KNTC1: variants seen among roughly 807,000 people sequenced by gnomAD.
KNTC1 encodes the protein kinetochore associated 1, also known as kinetochore-associated protein 1.
A neutral mutation model predicts 314.4 loss-of-function variants in KNTC1; 253 were observed. That is an observed-to-expected ratio of 0.80 (90% CI 0.73 to 0.89). The LOEUF (loss-of-function observed/expected upper bound fraction) is 0.89. Ranked by LOEUF, KNTC1 falls within the 40% of genes least tolerant of loss-of-function variation. The probability of loss-of-function intolerance (pLI) is 0.00; values close to 1 mark genes in which losing one functional copy is unlikely to be tolerated. For missense variants in KNTC1, 2,475 were observed against 2,572.9 expected (o/e 0.96, Z 0.82); for synonymous variants, 901 against 901.4 (o/e 1.00, Z 0.01).
intron 1 of KNTC1, among the ~76,000 whole-genome samples, chr12:122,528,915 T>C (rs1961061260): frequency 6.6e-6 from 1 of 152,162 alleles, no homozygotes; most frequent in South Asian, 2.1e-4. Context: ...CGATCTCGAC[T>C]TACTGCAACC....
At position 122,549,852 on chromosome 12, in the gene KNTC1, A is replaced by G. The variant is rs1963065953; in HGVS notation, c.1074A>G (p.Thr358=). The G allele has an allele frequency of 1.3e-6, 2 of 1,537,890 alleles. No homozygotes were observed. The highest frequency in any genetic ancestry group is 1.8e-6 in the Non-Finnish European group (2 of 1,121,088). ...CTAGTGTTTCTTCTCTGGTCCAAACAGGAATTAGCACAGTAAGTTTATTTG... is the reference window on the plus strand; with the variant it reads ...CTAGTGTTTCTTCTCTGGTCCAAACGGGAATTAGCACAGTAAGTTTATTTG... The part of the protein sequence containing the change: ...EVSSVSSLVQ[T]GISTDTIYLL... The change falls in exon 13 of 64, where the codon ACA becomes ACG. Residue 358 remains threonine (T), a synonymous_variant. Coordinates refer to ENST00000333479, the MANE Select transcript of KNTC1 (RefSeq NM_014708.6).
At chr12:122,552,070 G>C (rs1188145533) in intron 16 of KNTC1, among the ~76,000 whole-genome samples, 3 of 152,048 alleles carry the variant, frequency 2.0e-5, no homozygotes, top group Non-Finnish European at 1.5e-5. Context: ...ACCATGCCCG[G>C]TTAATTTTTG....
At chr12:122,540,629 C>T (rs1325888753) in intron 5 of KNTC1, among the ~76,000 whole-genome samples, 2 of 151,866 alleles carry the variant, frequency 1.3e-5, no homozygotes, top group Non-Finnish European at 2.9e-5. Context: ...CTATAGGTTA[C>T]CAAGGAGACA....
chr12:122,615,850 C>T (rs6489156), intron 57 of KNTC1, among the ~76,000 whole-genome samples: 116,328 of 152,136 alleles, frequency 0.76, 44,854 homozygotes, highest in East Asian at 0.84. Flanking sequence ...AAGTTGTGCC[C>T]GGACCCGTTA....
At chr12:122,613,317 G>A (rs1301914449) in intron 54 of KNTC1, 87 bp downstream of exon 54, 2 of 883,494 alleles carry the variant, frequency 2.3e-6, no homozygotes, top group African/African-American at 1.7e-5. Flanking sequence ...ATTCAGAAGA[G>A]CATAGTAGAG....
chr12:122,535,199 A>T (rs1961688706), intron 3 of KNTC1, among the ~76,000 whole-genome samples: 1 of 152,196 alleles, frequency 6.6e-6, no homozygotes, highest in Non-Finnish European at 1.5e-5. Context: ...ATCGAGCTAC[A>T]AGGCTTCAAG....
intron 21 of KNTC1, among the ~76,000 whole-genome samples, chr12:122,569,410 T>C (rs1964547225): frequency 6.6e-6 from 1 of 152,246 alleles, no homozygotes; most frequent in Non-Finnish European, 1.5e-5. Flanking sequence ...TTTGAATTCC[T>C]AGTATCACCC....
rs374194679 is a variant in KNTC1 at position 122,557,666 on chromosome 12, A to G, written c.1465A>G (p.Met489Val). 2 of 1,612,892 alleles carry G rather than the reference A, an allele frequency of 1.2e-6. No individual in the cohort carries two copies. The highest frequency in any genetic ancestry group is 2.7e-5 in the African/African-American group (2 of 74,912). ...GATAACCTATGAAACCACTCAAGAGATGCTGAATTATGCCAAAACCAGGGT... is the reference window on the plus strand; with the variant it reads ...GATAACCTATGAAACCACTCAAGAGGTGCTGAATTATGCCAAAACCAGGGT... ...QWITYETTQE[M>V]LNYAKTRLLK... The change falls in exon 18 of 64, where the codon ATG becomes GTG. Residue 489 changes from methionine (M) to valine (V), a missense_variant. By Grantham distance (21) the Met-to-Val change is conservative. Coordinates refer to ENST00000333479, the MANE Select transcript of KNTC1 (RefSeq NM_014708.6).
intron 9 of KNTC1, 30 bp downstream of exon 9, chr12:122,546,299 C>A: frequency 1.6e-6 from 2 of 1,289,812 alleles, no homozygotes; most frequent in Non-Finnish European, 2.2e-6. Flanking sequence ...CTACTTTAGA[C>A]AATTATTAGT....
chr12:122,626,087 A>G (rs946227752), intron 63 of KNTC1, 118 bp from the exon 64 acceptor site: 3 of 727,336 alleles, frequency 4.1e-6, no homozygotes, highest in Non-Finnish European at 7.1e-6. Context: ...TAAAATGCCA[A>G]ATAGTTTGAT....
intron 22 of KNTC1, among the ~76,000 whole-genome samples, chr12:122,570,109 A>G (rs1964591563): frequency 6.6e-6 from 1 of 152,178 alleles, no homozygotes; most frequent in African/African-American, 2.4e-5. Context: ...AATCAAAACA[A>G]TTTAACTCAC....
At chr12:122,552,219 T>C (rs1593521760) in intron 16 of KNTC1, among the ~76,000 whole-genome samples, 1 of 152,154 alleles carries the variant, frequency 6.6e-6, no homozygotes, top group East Asian at 1.9e-4. Context: ...TCAGGTCAGG[T>C]CTTGAAGGTG....
At chr12:122,532,528 G>A (rs1300556686) in intron 2 of KNTC1, among the ~76,000 whole-genome samples, 2 of 151,966 alleles carry the variant, frequency 1.3e-5, no homozygotes, top group South Asian at 2.1e-4. Context: ...ATATTATCAG[G>A]AGCCTTAAAA....
At chr12:122,580,898 C>G (rs574071949) in intron 33 of KNTC1, among the ~76,000 whole-genome samples, 1 of 152,124 alleles carries the variant, frequency 6.6e-6, no homozygotes, top group East Asian at 1.9e-4. Flanking sequence ...CGTGGTGGCA[C>G]TCACCTGTAG....
At chr12:122,609,353 T>G (rs775921709) in intron 51 of KNTC1, 31 bp from the exon 52 acceptor site, 1 of 1,454,618 alleles carries the variant, frequency 6.9e-7, no homozygotes. Context: ...ACTTTTTCAG[T>G]TTTTGACCTT....
chr12:122,622,225 A>G (rs1477754894), intron 61 of KNTC1, among the ~76,000 whole-genome samples: 2 of 152,180 alleles, frequency 1.3e-5, no homozygotes, highest in South Asian at 2.1e-4. Context: ...TTCCTCATAA[A>G]AAGTCTCAAA....
At position 122,542,143 on chromosome 12, in the gene KNTC1, T is replaced by C. The variant is rs1346782427; in HGVS notation, c.523+16T>C. 1 of 1,384,070 alleles carries C rather than the reference T, an allele frequency of 7.2e-7. No individual in the cohort carries two copies. The highest frequency in any genetic ancestry group is 9.8e-7 in the Non-Finnish European group (1 of 1,019,086). 85.7% of individuals were successfully genotyped at this position (1,384,070 alleles called of 1,614,324 possible). On this transcript the variant is annotated intron_variant, in intron 6 of 63. Coordinates refer to ENST00000333479, the MANE Select transcript of KNTC1 (RefSeq NM_014708.6). Reference sequence around the variant, plus strand: ...ATTCAACAAGGTAAGTAATACATTATATTTTTATTATTGATTTGCAGCAAT... The same window carrying C: ...ATTCAACAAGGTAAGTAATACATTACATTTTTATTATTGATTTGCAGCAAT...
intron 16 of KNTC1, among the ~76,000 whole-genome samples, chr12:122,554,077 ATATAT>A (rs1287034622): frequency 5.1e-4 from 28 of 54,560 alleles, no homozygotes; most frequent in African/African-American, 1.8e-3. Flanking sequence ...AAAAAAAAAA[ATATAT>A]ATATATATAT....
At chr12:122,561,323 AAATAAT>A (rs930736628) in intron 18 of KNTC1, among the ~76,000 whole-genome samples, 4 of 151,740 alleles carry the variant, frequency 2.6e-5, no homozygotes, top group African/African-American at 9.7e-5. Context: ...TCAAAAAAAA[AAATAAT>A]AATAATAATA....
Sources: allele counts gnomAD v4.1 joint callset (sites outside exome capture counted in the v4.1 genomes callset), GRCh38; gene constraint gnomAD v4.1.1; transcripts MANE v1.5; gene names NCBI Gene and HGNC (gene_info 2026-07-23, HGNC 2026-07-21).